Variants in MPDZ observed in about 807,000 individuals in gnomAD.
MPDZ encodes multiple PDZ domain crumbs cell polarity complex component.
In MPDZ, 234 loss-of-function variants were observed where a neutral mutation model predicts 239.1. The ratio of observed to expected loss-of-function variants is 0.98; its 90% CI spans 0.88 to 1.09. The LOEUF (loss-of-function observed/expected upper bound fraction) is 1.09, where lower values mean the gene tolerates loss of function less well. Among genes scored for constraint, MPDZ ranks in the 50% least tolerant of loss-of-function variants. The pLI, the probability that MPDZ is intolerant of heterozygous loss-of-function variation, is 0.00. For synonymous variants in MPDZ, 1,048 were observed against 881.3 expected, an observed-to-expected ratio of 1.19 and a Z score of -3.35; for missense variants, 3,175 against 2,510.0, an observed-to-expected ratio of 1.26 and a Z score of -5.66.
intron 23 of MPDZ, among the ~76,000 whole-genome samples, chr9:13,160,832 A>ATATATATATATATATC (rs1950378591): frequency 1.3e-5 from 1 of 74,294 alleles, no homozygotes; most frequent in Non-Finnish European, 2.7e-5. Context: ...TATTAAAATT[A>ATATATATATATATATC]TATATATATA....
chr9:13,213,607 T>C (rs1401509882), intron 10 of MPDZ, among the ~76,000 whole-genome samples: 2 of 152,018 alleles, frequency 1.3e-5, no homozygotes, highest in African/African-American at 4.8e-5. Context: ...CTCCAGGAAT[T>C]TAAAATGCTT....
At chr9:13,136,247 G>T in intron 30 of MPDZ, 65 bp from the exon 31 acceptor site, 1 of 1,035,712 alleles carries the variant, frequency 9.7e-7, no homozygotes, top group Non-Finnish European at 1.4e-6. Flanking sequence ...CTTACTTCAA[G>T]AGTCAGAAGG....
chr9:13,275,152 C>G (rs1330137), intron 1 of MPDZ, among the ~76,000 whole-genome samples: 149,625 of 152,326 alleles, frequency 0.98, 73,540 homozygotes, highest in East Asian at 1. Context: ...CTAGTTTACA[C>G]ACTAAGTCTC....
intron 23 of MPDZ, among the ~76,000 whole-genome samples, chr9:13,158,854 G>A (rs901051763): frequency 6.6e-6 from 1 of 152,152 alleles, no homozygotes; most frequent in East Asian, 1.9e-4. Context: ...TAGTCCAAAG[G>A]AATACTTTGT....
chr9:13,124,896 A>T (rs1240786394), intron 35 of MPDZ, among the ~76,000 whole-genome samples: 2 of 152,212 alleles, frequency 1.3e-5, no homozygotes, highest in African/African-American at 4.8e-5. Context: ...CCTGGAATCA[A>T]GGTGCCCTTA....
At chr9:13,131,997 C>A (rs921524319) in intron 32 of MPDZ, among the ~76,000 whole-genome samples, 1 of 152,168 alleles carries the variant, frequency 6.6e-6, no homozygotes, top group Non-Finnish European at 1.5e-5. Context: ...TGTATGTTCC[C>A]CTTACTTACT....
At chr9:13,252,114 C>A (rs1968196073) in intron 1 of MPDZ, among the ~76,000 whole-genome samples, 1 of 152,106 alleles carries the variant, frequency 6.6e-6, no homozygotes. Flanking sequence ...CATTCCAATG[C>A]CGAGCATTGC....
At chr9:13,205,812 T>A (rs1226705280) in intron 11 of MPDZ, 104 bp downstream of exon 11, 2 of 1,066,724 alleles carry the variant, frequency 1.9e-6, no homozygotes, top group African/African-American at 3.2e-5. Context: ...AAAAGCATTC[T>A]GAATAATTAA....
chr9:13,126,796 C>A (rs775924420), intron 32 of MPDZ, 24 bp from the exon 33 acceptor site: 2 of 1,583,638 alleles, frequency 1.3e-6, no homozygotes, highest in Admixed American at 3.3e-5. Context: ...AACAAAAATG[C>A]TCAGAAGACT....
intron 1 of MPDZ, chr9:13,276,875 A>G (rs1336535916): frequency 6.6e-6 from 1 of 152,238 alleles, no homozygotes; most frequent in Admixed American, 6.5e-5. Context: ...GTTCCTCTCC[A>G]GCTTTTAAAT....
At chr9:13,115,398 G>A (rs1343065191) in intron 39 of MPDZ, 64 bp from the exon 40 acceptor site, 4 of 1,352,896 alleles carry the variant, frequency 3.0e-6, no homozygotes, top group African/African-American at 2.9e-5. Context: ...ATCATCTTTA[G>A]GAATACATTT....
chr9:13,133,440 A>G (rs893356808), intron 32 of MPDZ, among the ~76,000 whole-genome samples: 3 of 152,208 alleles, frequency 2.0e-5, no homozygotes, highest in African/African-American at 7.2e-5. Context: ...TTTTTAAAGG[A>G]CAAGACTATA....
At chr9:13,273,379 C>T (rs1470724572) in intron 1 of MPDZ, among the ~76,000 whole-genome samples, 2 of 152,146 alleles carry the variant, frequency 1.3e-5, no homozygotes, top group Non-Finnish European at 2.9e-5. Flanking sequence ...CTTATGAACA[C>T]AGAAGGATAG....
chr9:13,222,175 TA>T, intron 6 of MPDZ, 57 bp downstream of exon 6: 1 of 1,435,782 alleles, frequency 7.0e-7, no homozygotes, highest in Non-Finnish European at 9.4e-7. Context: ...AACTTGGAGA[TA>T]ACCAAAAACA....
At chr9:13,184,378 A>C (rs1953804301) in intron 18 of MPDZ, among the ~76,000 whole-genome samples, 1 of 151,620 alleles carries the variant, frequency 6.6e-6, no homozygotes, top group South Asian at 2.1e-4. Context: ...TACTACCAGC[A>C]TTTTCTGTCT....
chr9:13,148,370 C>T (rs2132893630), intron 25 of MPDZ, among the ~76,000 whole-genome samples: 1 of 152,064 alleles, frequency 6.6e-6, no homozygotes, highest in Admixed American at 6.6e-5. Context: ...CTAATTCTGT[C>T]AGAAAACTAT....
At chr9:13,275,705 G>A (rs538786951) in intron 1 of MPDZ, among the ~76,000 whole-genome samples, 2 of 152,282 alleles carry the variant, frequency 1.3e-5, no homozygotes, top group African/African-American at 4.8e-5. Flanking sequence ...TGGGTTATTG[G>A]AAAGTGGAAA....
At chr9:13,167,582 C>T (rs535053497) in intron 22 of MPDZ, among the ~76,000 whole-genome samples, 29 of 152,110 alleles carry the variant, frequency 1.9e-4, no homozygotes, top group African/African-American at 6.5e-4. Flanking sequence ...ATCATTACAT[C>T]GATTTTAGGT....
chr9:13,206,179 T>A, intron 10 of MPDZ, 80 bp from the exon 11 acceptor site: 1 of 1,300,688 alleles, frequency 7.7e-7, no homozygotes, highest in Non-Finnish European at 1.0e-6. Context: ...AATGTGTATG[T>A]ATAGTTGTTA....
Sources: gnomAD v4.1 joint callset for allele counts (sites outside exome capture counted in the v4.1 genomes callset) on GRCh38, gnomAD v4.1.1 for gene constraint, MANE v1.5 for transcripts, NCBI Gene and HGNC (gene_info 2026-07-23, HGNC 2026-07-21) for gene names.